The following ACOXL variants were observed in gnomAD, a reference collection of about 807,000 sequenced individuals.
The protein encoded by ACOXL is acyl-CoA oxidase like.
Under a neutral mutation model 71.9 loss-of-function variants are expected in ACOXL, and 70 were observed. The ratio of observed to expected loss-of-function variants is 0.97; its 90% CI spans 0.80 to 1.19. The LOEUF (loss-of-function observed/expected upper bound fraction) is 1.19, where lower values mean the gene tolerates loss of function less well. Ranked by LOEUF, ACOXL falls within the 50% of genes most tolerant of loss-of-function variation. The probability of loss-of-function intolerance (pLI) is 0.00; values close to 1 mark genes in which losing one functional copy is unlikely to be tolerated. For missense variants in ACOXL, 703 were observed against 736.3 expected (o/e 0.95, Z 0.52); for synonymous variants, 253 against 281.6 (o/e 0.90, Z 1.02).
At position 111,084,899 on chromosome 2, in the gene ACOXL, G is replaced by GAA. The variant is rs113297442; in HGVS notation, c.1441-7951_1441-7950dup. Among the ~76,000 whole-genome samples the GAA allele has an allele frequency of 8.3e-3, 938 of 112,890 alleles. 6 individuals carry two copies. The highest frequency in any genetic ancestry group is 0.032 in the South Asian group (116 of 3,644). The allele number at this position is 112,890 out of a possible 152,430, so 74.1% of individuals were successfully genotyped here. ...AATCTACCAAGCAAATGGAAAACAGGAAAAAAAAAAAAAAAAGCAGAGGTG... is the reference window on the plus strand; with the variant it reads ...AATCTACCAAGCAAATGGAAAACAGGAAAAAAAAAAAAAAAAAAGCAGAGGTG... On this transcript the variant is annotated intron_variant, in intron 16 of 17. Transcript: ENST00000439055.
intron 14 of ACOXL, among the ~76,000 whole-genome samples, chr2:111,004,860 CTG>C (rs2063799611): frequency 2.6e-5 from 4 of 152,128 alleles, no homozygotes; most frequent in Non-Finnish European, 5.9e-5. Context: ...AGCAGCCACT[CTG>C]TGTTTGTTAG....
At chr2:110,925,165 T>C (rs944347279) in intron 11 of ACOXL, among the ~76,000 whole-genome samples, 6 of 152,268 alleles carry the variant, frequency 3.9e-5, no homozygotes, top group Admixed American at 1.3e-4. Context: ...GTTTCATTTC[T>C]AGAGCACAGG....
At chr2:110,968,692 C>T in intron 12 of ACOXL, 1 of 1,148,324 alleles carries the variant, frequency 8.7e-7, no homozygotes, top group Non-Finnish European at 1.2e-6. Flanking sequence ...CAAGCTTCCT[C>T]AGAGCTCAGG....
intron 1 of ACOXL, among the ~76,000 whole-genome samples, chr2:110,764,110 A>G (rs1680737853): frequency 6.6e-6 from 1 of 152,216 alleles, no homozygotes; most frequent in Non-Finnish European, 1.5e-5. Flanking sequence ...GCTGCTTTGG[A>G]AGATAGTTTG....
At chr2:110,765,257 A>G (rs1312028846) in intron 1 of ACOXL, among the ~76,000 whole-genome samples, 1 of 152,134 alleles carries the variant, frequency 6.6e-6, no homozygotes, top group Non-Finnish European at 1.5e-5. Flanking sequence ...GTTTCTTGAC[A>G]TGGGCTTCTT....
intron 5 of ACOXL, among the ~76,000 whole-genome samples, chr2:110,797,655 G>C (rs1319603077): frequency 1.3e-5 from 2 of 152,170 alleles, no homozygotes; most frequent in Non-Finnish European, 2.9e-5. Flanking sequence ...GGGAAACAGC[G>C]AGGAACCAAG....
intron 1 of ACOXL, among the ~76,000 whole-genome samples, chr2:110,757,413 C>T (rs947742772): frequency 2.6e-5 from 4 of 152,058 alleles, no homozygotes; most frequent in African/African-American, 9.7e-5. Flanking sequence ...TGGGTATATA[C>T]CCAGTATTGG....
intron 1 of ACOXL, among the ~76,000 whole-genome samples, chr2:110,743,515 G>C (rs1250306276): frequency 6.6e-6 from 1 of 152,100 alleles, no homozygotes; most frequent in Non-Finnish European, 1.5e-5. Context: ...ATGAAATAAG[G>C]GTGCAAGGGT....
chr2:110,891,814 C>T (rs1430132258), intron 10 of ACOXL, among the ~76,000 whole-genome samples: 2 of 151,968 alleles, frequency 1.3e-5, no homozygotes, highest in African/African-American at 4.8e-5. Flanking sequence ...GCTGCTATGT[C>T]AGGTCCAGTC....
chr2:110,789,878 C>A (rs1684438345), intron 3 of ACOXL, among the ~76,000 whole-genome samples: 1 of 152,236 alleles, frequency 6.6e-6, no homozygotes, highest in South Asian at 2.1e-4. Context: ...TTAGGAATGG[C>A]CTGGCCTATT....
chr2:110,857,299 A>G (rs951256418), intron 10 of ACOXL, among the ~76,000 whole-genome samples: 8 of 152,206 alleles, frequency 5.3e-5, no homozygotes, highest in African/African-American at 1.7e-4. Flanking sequence ...TTTTAGCAGC[A>G]TGGAAACTTT....
chr2:110,897,585 TA>T (rs907861363), intron 10 of ACOXL, among the ~76,000 whole-genome samples: 1 of 152,192 alleles, frequency 6.6e-6, no homozygotes, highest in Admixed American at 6.5e-5. Context: ...CCTTATGACC[TA>T]AACACCTCTC....
intron 10 of ACOXL, among the ~76,000 whole-genome samples, chr2:110,841,710 A>G (rs1298372170): frequency 1.3e-5 from 2 of 152,204 alleles, no homozygotes; most frequent in Non-Finnish European, 2.9e-5. Flanking sequence ...AGAGTGCCTG[A>G]AAACGGGGAT....
Position 110,811,157 on chromosome 2 carries a change from A to G in ACOXL, c.753+5762A>G, listed in dbSNP as rs1416634139. ...ATCAGGGAGTTATGGAATGTCCTAG[A>G]GAAAACCATTCGACTACCTGATGGA... On this transcript the variant is annotated intron_variant, in intron 9 of 17. Coordinates refer to ENST00000439055, the MANE Select transcript of ACOXL (RefSeq NM_001142807.4). Among the ~76,000 whole-genome samples, 2 of 152,218 alleles carry G rather than the reference A, an allele frequency of 1.3e-5. 1 individual carries two copies. The highest frequency in any genetic ancestry group is 2.9e-5 in the Non-Finnish European group (2 of 68,034).
chr2:111,069,312 T>C (rs544922407), intron 16 of ACOXL, among the ~76,000 whole-genome samples: 2 of 152,064 alleles, frequency 1.3e-5, no homozygotes, highest in African/African-American at 4.8e-5. Context: ...CCATCACATC[T>C]AGCTAACTTT....
intron 13 of ACOXL, among the ~76,000 whole-genome samples, chr2:110,993,307 C>T (rs546142338): frequency 3.3e-5 from 5 of 152,296 alleles, no homozygotes; most frequent in South Asian, 4.1e-4. Flanking sequence ...AATCTCACTA[C>T]GCAGATACAG....
intron 10 of ACOXL, among the ~76,000 whole-genome samples, chr2:110,907,530 G>A (rs886387126): frequency 6.6e-6 from 1 of 152,140 alleles, no homozygotes; most frequent in Non-Finnish European, 1.5e-5. Context: ...CGAGCCTGCT[G>A]TGGTTGGGCG....
At chr2:111,042,495 G>A (rs75253093) in intron 15 of ACOXL, among the ~76,000 whole-genome samples, 2,688 of 152,342 alleles carry the variant, frequency 0.018, 76 homozygotes, top group African/African-American at 0.055. Context: ...GTGGGGACGT[G>A]GCTCTGCAGG....
At chr2:110,973,341 G>C (rs2062299799) in intron 12 of ACOXL, among the ~76,000 whole-genome samples, 1 of 152,186 alleles carries the variant, frequency 6.6e-6, no homozygotes, top group African/African-American at 2.4e-5. Context: ...TGATTAATGT[G>C]TCAAAACCTA....
Sources: gnomAD v4.1 joint callset for allele counts (sites outside exome capture counted in the v4.1 genomes callset) on GRCh38, gnomAD v4.1.1 for gene constraint, MANE v1.5 for transcripts, NCBI Gene and HGNC (gene_info 2026-07-23, HGNC 2026-07-21) for gene names.